SERINC3: variants seen among roughly 807,000 people sequenced by gnomAD.
SERINC3 encodes serine incorporator 3.
A neutral mutation model predicts 52.1 loss-of-function variants in SERINC3; 22 were observed. The ratio of observed to expected loss-of-function variants is 0.42; its 90% CI spans 0.30 to 0.60. The LOEUF (loss-of-function observed/expected upper bound fraction) is 0.60. Among genes scored for constraint, SERINC3 ranks in the 20% least tolerant of loss-of-function variants. The pLI, the probability that SERINC3 is intolerant of heterozygous loss-of-function variation, is 0.16. For missense variants in SERINC3, 564 were observed against 584.6 expected (o/e 0.96, Z 0.36); for synonymous variants, 226 against 212.7 (o/e 1.06, Z -0.54).
chr20:44,510,990 T>C (rs185735182), intron 4 of SERINC3, among the ~76,000 whole-genome samples: 1 of 151,802 alleles, frequency 6.6e-6, no homozygotes, highest in South Asian at 2.1e-4. Flanking sequence ...CTTGGCACAC[T>C]GCAACCTCTG....
chr20:44,502,533 T>C (rs559765464), intron 8 of SERINC3, among the ~76,000 whole-genome samples: 1 of 148,316 alleles, frequency 6.7e-6, no homozygotes, highest in South Asian at 2.1e-4. Context: ...TAGTGAGCTA[T>C]GATCACACCA....
At chr20:44,520,540 TG>T (rs1456622166) in intron 1 of SERINC3, among the ~76,000 whole-genome samples, 1 of 151,586 alleles carries the variant, frequency 6.6e-6, no homozygotes, top group Non-Finnish European at 1.5e-5. Context: ...CGCTTACAAG[TG>T]GGAGCTAAAC....
chr20:44,513,785 A>G (rs2064362916), intron 2 of SERINC3, 94 bp downstream of exon 2: 1 of 1,143,054 alleles, frequency 8.7e-7, no homozygotes, highest in Non-Finnish European at 1.2e-6. Flanking sequence ...CCAAATTACA[A>G]CCAACTTGAT....
In SERINC3 at chr20:44,499,362, C is replaced by T. The variant is rs6606; in HGVS notation, c.*934G>A. 0.058 allele frequency: 8,826 copies of T among 152,252 alleles called. 338 individuals carry two copies. The highest frequency in any genetic ancestry group is 0.12 in the African/African-American group (4,864 of 41,496). 9.4% of individuals were successfully genotyped at this position (152,252 alleles called of 1,614,324 possible). On this transcript the variant is annotated 3_prime_UTR_variant, in exon 10 of 10. Coordinates refer to ENST00000342374, the MANE Select transcript of SERINC3 (RefSeq NM_006811.4). ...TCAAGACTTTGCTCACTAGTCAGAC[C>T]GTAATTTTTAGAAGGAATAGGAGCA...
rs550427403 is a variant in SERINC3, at chr20:44,517,584, C to CA, written c.40-3545dup. Among the ~76,000 whole-genome samples the CA allele has an allele frequency of 9.6e-3, 1,241 of 129,148 alleles. 9 individuals are homozygous for CA. Among genetic ancestry groups the CA allele is most frequent in the African/African-American group, 0.024 (854 of 35,174 alleles). 84.7% of individuals were successfully genotyped at this position (129,148 alleles called of 152,430 possible). ...GGAACATCAAAGACTGCCAGCAAAC[C>CA]AAAAAAAAAAAAAGCCAGGGGAGAG... On this transcript the variant is annotated intron_variant, in intron 1 of 9. Transcript: ENST00000342374.
chr20:44,503,847 C>T lies in SERINC3; in HGVS notation c.1023G>A (p.Leu341=). 1 of 1,582,322 alleles carries T rather than the reference C, an allele frequency of 6.3e-7. No homozygotes were observed. Among genetic ancestry groups the T allele is most frequent in the Non-Finnish European group, 8.6e-7 (1 of 1,169,112 alleles). The change falls in exon 8 of 10, where the codon CTG becomes CTA. Residue 341 remains leucine, a synonymous_variant. Coordinates refer to ENST00000342374, the MANE Select transcript of SERINC3 (RefSeq NM_006811.4). ...ACAAGAGGCAGAGAACAAAGACAAACAGTCCAATAAAATTATCTGAATCCA... is the reference window on the plus strand; with the variant it reads ...ACAAGAGGCAGAGAACAAAGACAAATAGTCCAATAAAATTATCTGAATCCA... The part of the protein sequence containing the change: ...SLLDSDNFIG[L]FVFVLCLLYS...
At position 44,497,685 on chromosome 20, in the gene SERINC3, C is replaced by T. The variant is rs866463673; in HGVS notation, c.*2611G>A. ...CCTCAAATCCCTTGAAACGCTATAC[C>T]CTGACATAAACCACTGGTTTAAAAG... On this transcript the variant is annotated 3_prime_UTR_variant, in exon 10 of 10. Coordinates refer to ENST00000342374, the MANE Select transcript of SERINC3 (RefSeq NM_006811.4). 3.3e-5 allele frequency: 5 copies of T among 152,160 alleles called. No individual in the cohort carries two copies. Among genetic ancestry groups the T allele is most frequent in the Non-Finnish European group, 5.9e-5 (4 of 68,020 alleles). The allele number at this position is 152,160 out of a possible 1,614,324, so 9.4% of individuals were successfully genotyped here. A position where few individuals can be genotyped will look rare whatever the true frequency, so the allele number is the denominator to read the frequency against.
chr20:44,516,528 T>C (rs1337679141), intron 1 of SERINC3, among the ~76,000 whole-genome samples: 2 of 151,702 alleles, frequency 1.3e-5, no homozygotes, highest in South Asian at 4.2e-4. Context: ...TAGCTGGGAT[T>C]ACAGGGATTA....
chr20:44,520,727 A>G (rs2064411269), intron 1 of SERINC3, among the ~76,000 whole-genome samples: 1 of 152,232 alleles, frequency 6.6e-6, no homozygotes, highest in African/African-American at 2.4e-5. Flanking sequence ...CCATGTAACA[A>G]AACTGCATAT....
chr20:44,497,638 G>T lies in SERINC3; in HGVS notation c.*2658C>A, dbSNP rs2064255556. 1 of 152,228 alleles carries T rather than the reference G, an allele frequency of 6.6e-6. No individual in the cohort carries two copies. The highest frequency in any genetic ancestry group is 2.4e-5 in the African/African-American group (1 of 41,396). The allele number at this position is 152,228 out of a possible 1,614,324, so 9.4% of individuals were successfully genotyped here. A position where few individuals can be genotyped will look rare whatever the true frequency, so the allele number is the denominator to read the frequency against. ...ATCTGCTTCACACTGGCAAAATAAG[G>T]GGCTACATTTCCCCATCTGACCCTC... On this transcript the variant is annotated 3_prime_UTR_variant, in exon 10 of 10. Transcript: ENST00000342374.
intron 1 of SERINC3, among the ~76,000 whole-genome samples, chr20:44,520,302 G>A (rs1374857302): frequency 6.6e-6 from 1 of 152,136 alleles, no homozygotes; most frequent in African/African-American, 2.4e-5. Context: ...CTTGGAGGTT[G>A]AAGAGAGCCG....
chr20:44,511,634 A>C (rs1363891568), intron 3 of SERINC3, among the ~76,000 whole-genome samples: 1 of 152,206 alleles, frequency 6.6e-6, no homozygotes, highest in Non-Finnish European at 1.5e-5. Flanking sequence ...TACTTTTAGC[A>C]CTTAAAGGTA....
At chr20:44,512,141 C>A (rs1293200010) in intron 3 of SERINC3, among the ~76,000 whole-genome samples, 1 of 151,922 alleles carries the variant, frequency 6.6e-6, no homozygotes, top group African/African-American at 2.4e-5. Context: ...GGTGAAACCC[C>A]ATCTCTACTA....
intron 4 of SERINC3, 120 bp from the exon 5 acceptor site, chr20:44,510,148 G>A: frequency 1.1e-6 from 1 of 903,524 alleles, no homozygotes; most frequent in Non-Finnish European, 1.7e-6. Flanking sequence ...TCTGTCTCCA[G>A]CAGTACAGCA....
chr20:44,501,680 C>T (rs183800338), intron 8 of SERINC3, among the ~76,000 whole-genome samples: 1 of 152,310 alleles, frequency 6.6e-6, no homozygotes, highest in African/African-American at 2.4e-5. Flanking sequence ...CCTTCCCTGA[C>T]ATCACCCCTC....
At chr20:44,516,545 C>T (rs962062970) in intron 1 of SERINC3, among the ~76,000 whole-genome samples, 3 of 151,788 alleles carry the variant, frequency 2.0e-5, no homozygotes, top group South Asian at 2.1e-4. Context: ...ATTACAGACA[C>T]GTGCCACCAT....
chr20:44,506,281 CAAAAAA>C (rs58316790), intron 6 of SERINC3, among the ~76,000 whole-genome samples: 827 of 65,802 alleles, frequency 0.013, 7 homozygotes, highest in African/African-American at 0.034. Context: ...GACTTTGTCT[CAAAAAA>C]AAAAAAAAAA....
At chr20:44,505,813 T>C (rs2064308539) in intron 6 of SERINC3, among the ~76,000 whole-genome samples, 1 of 151,644 alleles carries the variant, frequency 6.6e-6, no homozygotes, top group South Asian at 2.1e-4. Flanking sequence ...TTGGTCAGGC[T>C]GGTCTTGAAC....
At position 44,503,974 on chromosome 20, in the gene SERINC3, A is replaced by G. The variant is rs764510136; in HGVS notation, c.896T>C (p.Leu299Pro). Residue 299 changes from leucine to proline, a missense_variant, in exon 8 of 10, where the codon CTG (leucine) becomes CCG (proline). By Grantham distance (98) the Leu-to-Pro change is moderately conservative. Transcript: ENST00000342374. Reference protein sequence around the residue: ...NEPDRSCNPNLMSFITRITAP... With the variant: ...NEPDRSCNPNPMSFITRITAP... Reference sequence around the variant, plus strand: ...AGTTATGCGTGTAATAAAGCTCATCAGGTTGGGATTGCAGGAACGATCTGA... The same window carrying G: ...AGTTATGCGTGTAATAAAGCTCATCGGGTTGGGATTGCAGGAACGATCTGA... 6.3e-7 allele frequency: 1 copy of G among 1,587,582 alleles called. No homozygotes were observed. Among genetic ancestry groups the G allele is most frequent in the South Asian group, 1.2e-5 (1 of 84,504 alleles).
Sources: allele counts gnomAD v4.1 joint callset (sites outside exome capture counted in the v4.1 genomes callset), GRCh38; gene constraint gnomAD v4.1.1; transcripts MANE v1.5; gene names NCBI Gene and HGNC (gene_info 2026-07-23, HGNC 2026-07-21).